FBXL18: variants seen among roughly 807,000 people sequenced by gnomAD.
The protein encoded by FBXL18 is F-box and leucine rich repeat protein 18, also known as F-box/LRR-repeat protein 18.
A neutral mutation model predicts 46.0 loss-of-function variants in FBXL18; 36 were observed. The ratio of observed to expected loss-of-function variants is 0.78; its 90% CI spans 0.60 to 1.03. The LOEUF (loss-of-function observed/expected upper bound fraction) is 1.03. FBXL18 is among the 50% of genes least tolerant of loss of function. The pLI is 0.00. For synonymous variants in FBXL18, 557 were observed against 465.3 expected (o/e 1.20, Z -2.54); for missense variants, 977 against 1,004.1 (o/e 0.97, Z 0.36).
chr7:5,485,936 G>A (rs1783762947), intron 4 of FBXL18, among the ~76,000 whole-genome samples: 1 of 152,052 alleles, frequency 6.6e-6, no homozygotes, highest in South Asian at 2.1e-4. Flanking sequence ...GCACACGCCT[G>A]TAATCCCAGC....
At chr7:5,470,577 G>A (rs1340198455) in intron 4 of FBXL18, among the ~76,000 whole-genome samples, 2 of 152,120 alleles carry the variant, frequency 1.3e-5, no homozygotes, top group Admixed American at 6.6e-5. Context: ...GTGTCACCAC[G>A]GCCAGCCTTC....
intron 4 of FBXL18, among the ~76,000 whole-genome samples, chr7:5,462,717 C>T (rs780990926): frequency 6.6e-5 from 10 of 151,454 alleles, no homozygotes; most frequent in African/African-American, 1.5e-4. Context: ...TTTGGGAGGC[C>T]GAGGCGGATG....
Position 5,455,897 on chromosome 7 carries a change from G to C in FBXL18, c.2001-8054C>G, listed in dbSNP as rs1783166222. Among the ~76,000 whole-genome samples the C allele has an allele frequency of 6.6e-6, 1 of 152,040 alleles. No homozygotes were observed. The highest frequency in any genetic ancestry group is 2.4e-5 in the African/African-American group (1 of 41,376). ...ACCTGGCCATCTCTGCCCCATGCGG[G>C]ACTCTCTCATGGGCCGTGCTGGCTC... On this transcript the variant is annotated intron_variant and NMD_transcript_variant, in intron 4 of 6. Transcript: ENST00000415009. This position sits in a 1 kb window ranked among gnomAD's most constrained non-coding sequence, Gnocchi z 4.6.
chr7:5,456,228 T>C (rs6970215), intron 4 of FBXL18, among the ~76,000 whole-genome samples: 139,182 of 152,210 alleles, frequency 0.91, 63,666 homozygotes, highest in Middle Eastern at 0.95. Flanking sequence ...TTTAGGCCCA[T>C]GGCATCTGCT....
At chr7:5,465,148 G>C (rs1323133202) in intron 4 of FBXL18, among the ~76,000 whole-genome samples, 1 of 151,994 alleles carries the variant, frequency 6.6e-6, no homozygotes, top group African/African-American at 2.4e-5. Flanking sequence ...CTTCTCTCTG[G>C]GATCAATAGA....
chr7:5,473,245 A>G (rs1171577377), downstream of FBXL18, among the ~76,000 whole-genome samples: 1 of 152,084 alleles, frequency 6.6e-6, no homozygotes, highest in African/African-American at 2.4e-5. Flanking sequence ...GAACCAAGCC[A>G]GAAGGAGGCA....
At position 5,488,028 on chromosome 7, in the gene FBXL18, A is replaced by AGCTCAGCGCCGG. The variant is rs1401921572; in HGVS notation, c.2000+3191_2000+3202dup. ...CCAGCGCCCTCTGGGGCCACCTGCG[A>AGCTCAGCGCCGG]GCTCAGCGCCGGGCTCAGCTTGTGC... On this transcript the variant is annotated intron_variant, in intron 4 of 4. Coordinates refer to ENST00000382368, the MANE Select transcript of FBXL18 (RefSeq NM_024963.6). Among the ~76,000 whole-genome samples the AGCTCAGCGCCGG allele has an allele frequency of 3.3e-5, 5 of 152,372 alleles. No homozygotes were observed. The East Asian group carries it at 9.6e-4, about 29-fold the overall frequency.
At chr7:5,511,701 G>C (rs1784537867) in intron 1 of FBXL18, among the ~76,000 whole-genome samples, 3 of 151,410 alleles carry the variant, frequency 2.0e-5, no homozygotes, top group South Asian at 2.1e-4. Flanking sequence ...CTGAGAGGTG[G>C]AGCTTGCAGT....
chr7:5,500,057 CCT>C (rs1404758448), intron 3 of FBXL18, among the ~76,000 whole-genome samples: 3 of 149,762 alleles, frequency 2.0e-5, no homozygotes, highest in Non-Finnish European at 4.4e-5. Flanking sequence ...AGAGCGAGAC[CCT>C]GTCTCAAAAA....
intron 4 of FBXL18, among the ~76,000 whole-genome samples, chr7:5,465,447 C>T (rs537396657): frequency 6.6e-6 from 1 of 152,058 alleles, no homozygotes; most frequent in African/African-American, 2.4e-5. Flanking sequence ...GTGATCCACT[C>T]ACCTCAGCCT....
intron 4 of FBXL18, among the ~76,000 whole-genome samples, chr7:5,485,806 C>A (rs1048414873): frequency 6.6e-6 from 1 of 152,006 alleles, no homozygotes; most frequent in African/African-American, 2.4e-5. Flanking sequence ...AATCCCAGAA[C>A]TTTGGGAGGC....
At position 5,478,815 on chromosome 7, in the gene FBXL18, CAT is replaced by C. The variant is rs1337541435; in HGVS notation, c.*2958_*2959del. ...GCACGCAGGCACACGCATGCAGGCA[CAT>C]GTGCACACACAGGGCACAGGTACCC... is the stretch of plus-strand genomic sequence containing the variant. On this transcript the variant is annotated 3_prime_UTR_variant, in exon 5 of 5. Transcript: ENST00000382368. The C allele has an allele frequency of 7.9e-5, 12 of 152,054 alleles. No individual in the cohort carries two copies. The highest frequency in any genetic ancestry group is 2.7e-4 in the African/African-American group (11 of 41,380). 9.4% of individuals were successfully genotyped at this position (152,054 alleles called of 1,614,324 possible). A position where few individuals can be genotyped will look rare whatever the true frequency, so the allele number is the denominator to read the frequency against.
chr7:5,492,750 C>G (rs1783963324), intron 3 of FBXL18, among the ~76,000 whole-genome samples: 1 of 152,086 alleles, frequency 6.6e-6, no homozygotes, highest in Non-Finnish European at 1.5e-5. Flanking sequence ...CAGGTCACAA[C>G]AGAGGCAGAG....
intron 3 of FBXL18, among the ~76,000 whole-genome samples, chr7:5,500,027 T>A (rs1237740111): frequency 1.3e-5 from 2 of 151,068 alleles, no homozygotes; most frequent in Admixed American, 6.6e-5. Flanking sequence ...ATGGCACCAC[T>A]GCACTCCAGC....
chr7:5,506,405 C>T (rs1482213296), intron 1 of FBXL18, among the ~76,000 whole-genome samples: 1 of 151,930 alleles, frequency 6.6e-6, no homozygotes, highest in African/African-American at 2.4e-5. Context: ...ACTGCCACCA[C>T]GCCCACGCCC....
intron 4 of FBXL18, among the ~76,000 whole-genome samples, chr7:5,458,121 A>G (rs1783196624): frequency 6.6e-6 from 1 of 151,898 alleles, no homozygotes; most frequent in African/African-American, 2.4e-5. Context: ...ACTGAAAAGC[A>G]GGTGGGACCG....
At chr7:5,458,031 C>T (rs1471987361) in intron 4 of FBXL18, among the ~76,000 whole-genome samples, 2 of 151,680 alleles carry the variant, frequency 1.3e-5, no homozygotes, top group Admixed American at 6.6e-5. Flanking sequence ...GGATTCAAGC[C>T]TTATCTTTCT....
chr7:5,501,459 A>C lies in FBXL18; in HGVS notation c.810T>G (p.Pro270=). 1.2e-6 allele frequency: 2 copies of C among 1,613,698 alleles called. No individual in the cohort carries two copies. The highest frequency in any genetic ancestry group is 1.7e-6 in the Non-Finnish European group (2 of 1,180,018). Residue 270 remains proline (P), a synonymous_variant, in exon 3 of 5, where the codon CCT becomes CCG. Transcript: ENST00000382368. ...TGGCGCCGCTCTCCGCGAAGCTGCC[A>C]GGGACGGAGATGAGGAAGGCGTGGA... The part of the protein sequence containing the change: ...QNLHAFLISV[P]GSFAESGATK...
intron 3 of FBXL18, among the ~76,000 whole-genome samples, 177 bp downstream of exon 3, chr7:5,500,311 C>T (rs946734799): frequency 4.6e-5 from 7 of 152,126 alleles, no homozygotes; most frequent in Non-Finnish European, 7.4e-5. Context: ...CCTGCACCCC[C>T]AGCTCCTCTA....
Sources: allele counts gnomAD v4.1 joint callset (sites outside exome capture counted in the v4.1 genomes callset), GRCh38; gene constraint gnomAD v4.1.1; non-coding constraint Gnocchi (gnomAD v3.1); transcripts MANE v1.5; gene names NCBI Gene and HGNC (gene_info 2026-07-23, HGNC 2026-07-21).